The following PDE7A variants were observed in gnomAD, a reference collection of about 807,000 sequenced individuals.
PDE7A encodes phosphodiesterase 7A.
PDE7A carries 39 observed loss-of-function variants against 64.3 expected under a neutral mutation model. The observed-to-expected ratio is 0.61, with a 90% CI of 0.47 to 0.79. The LOEUF is 0.79. Among genes scored for constraint, PDE7A ranks in the 30% least tolerant of loss-of-function variants. PDE7A has a pLI of 0.00. For synonymous variants in PDE7A, 203 were observed against 206.8 expected (o/e 0.98, Z 0.16); for missense variants, 470 against 582.8 (o/e 0.81, Z 1.99).
intron 1 of PDE7A, among the ~76,000 whole-genome samples, chr8:65,803,604 C>G (rs752566536): frequency 5.3e-4 from 80 of 152,118 alleles, no homozygotes; most frequent in Non-Finnish European, 4.7e-4. Context: ...TGACAAACCC[C>G]TTTTAATGGC....
intron 7 of PDE7A, among the ~76,000 whole-genome samples, chr8:65,729,003 T>TA (rs145357915): frequency 0.025 from 3,802 of 150,674 alleles, 168 homozygotes; most frequent in African/African-American, 0.085. Flanking sequence ...TTTCTGCTTG[T>TA]AAAAAAAAAC....
chr8:65,819,640 CTTAAAAG>C (rs1213693257), intron 1 of PDE7A, among the ~76,000 whole-genome samples: 1 of 152,164 alleles, frequency 6.6e-6, no homozygotes, highest in East Asian at 1.9e-4. Flanking sequence ...TTACATAATC[CTTAAAAG>C]TTAAAATTAC....
rs76007607 is a variant in PDE7A, at chr8:65,816,959, A to G, written c.138+24412T>C. Among the ~76,000 whole-genome samples, 892 of 152,262 alleles carry G rather than the reference A, an allele frequency of 5.9e-3. 9 individuals are homozygous for G. The highest frequency in any genetic ancestry group is 0.02 in the African/African-American group (842 of 41,546). ...GATTCTCATTACACATCTGTAGTAC[A>G]CTTAATGTTTTTCACAGATTTCTGA... On this transcript the variant is annotated intron_variant, in intron 1 of 12. Transcript: ENST00000401827.
chr8:65,781,432 T>C (rs2128924095), intron 2 of PDE7A, among the ~76,000 whole-genome samples: 1 of 152,220 alleles, frequency 6.6e-6, no homozygotes, highest in Non-Finnish European at 1.5e-5. Flanking sequence ...TGATTATGTC[T>C]GAAAAGGTTC....
rs1436318479 is a variant in PDE7A at position 65,724,793 on chromosome 8, CTG to C, written c.1047_1048del (p.His349GlnfsTer13). 6.2e-7 allele frequency: 1 copy of C among 1,606,084 alleles called. No homozygotes were observed. Among genetic ancestry groups the C allele is most frequent in the Non-Finnish European group, 8.5e-7 (1 of 1,176,352 alleles). On this transcript the variant is annotated frameshift_variant, in exon 10 of 13. Coordinates refer to ENST00000401827, the MANE Select transcript of PDE7A (RefSeq NM_001242318.3). LOFTEE classifies it high-confidence loss of function. Reference sequence around the variant, plus strand: ...CCATTTTACCTGTAAAACCAAATGTCTGTGTCTGGTGTCTTCTAGGCATAAAT... The same window carrying C: ...CCATTTTACCTGTAAAACCAAATGTCTGTCTGGTGTCTTCTAGGCATAAAT...
chr8:65,790,679 T>C (rs1443495899), intron 1 of PDE7A, among the ~76,000 whole-genome samples: 2 of 152,230 alleles, frequency 1.3e-5, no homozygotes, highest in South Asian at 2.1e-4. Flanking sequence ...TCTTAACACA[T>C]GGCCATAAAA....
At chr8:65,757,907 A>T (rs545752814) in intron 3 of PDE7A, among the ~76,000 whole-genome samples, 1 of 152,070 alleles carries the variant, frequency 6.6e-6, no homozygotes, top group African/African-American at 2.4e-5. Flanking sequence ...GTGAGCCACC[A>T]CACCCAGCCA....
intron 3 of PDE7A, among the ~76,000 whole-genome samples, chr8:65,759,456 C>T (rs1331679673): frequency 6.6e-6 from 1 of 152,128 alleles, no homozygotes; most frequent in African/African-American, 2.4e-5. Flanking sequence ...GGCATATGGG[C>T]CATATCCCCA....
intron 1 of PDE7A, among the ~76,000 whole-genome samples, chr8:65,783,588 C>A (rs1350459126): frequency 2.0e-5 from 3 of 152,182 alleles, no homozygotes. Flanking sequence ...AGAAGCCATC[C>A]CCTTCCACAG....
At chr8:65,764,872 A>G (rs1350951496) in intron 3 of PDE7A, among the ~76,000 whole-genome samples, 2 of 152,238 alleles carry the variant, frequency 1.3e-5, no homozygotes, top group Non-Finnish European at 1.5e-5. Flanking sequence ...TAATAAAGAC[A>G]ATATGAGACA....
At chr8:65,754,243 GC>G (rs551234597) in intron 3 of PDE7A, among the ~76,000 whole-genome samples, 5 of 151,804 alleles carry the variant, frequency 3.3e-5, no homozygotes, top group African/African-American at 9.7e-5. Context: ...ATTAGATGGT[GC>G]CCCCCCGCCC....
Position 65,835,825 on chromosome 8 carries a change from G to A in PDE7A, c.138+5546C>T, listed in dbSNP as rs373238544. On this transcript the variant is annotated intron_variant, in intron 1 of 12. Coordinates refer to ENST00000401827, the MANE Select transcript of PDE7A (RefSeq NM_001242318.3). ...CATAGCAACAAAGCAGTAAAATCTC[G>A]GCATATAAATCACATCTCCTAGACT... Among the ~76,000 whole-genome samples, 19 of 152,110 alleles carry A rather than the reference G, an allele frequency of 1.2e-4. No individual in the cohort carries two copies. In the East Asian group the frequency reaches 1.7e-3, roughly 14 times the overall value.
chr8:65,745,069 A>C (rs1329195770), intron 5 of PDE7A, among the ~76,000 whole-genome samples: 1 of 152,158 alleles, frequency 6.6e-6, no homozygotes, highest in Non-Finnish European at 1.5e-5. Flanking sequence ...GTAGTGGATA[A>C]GTCTAACGAG....
At chr8:65,726,820 G>C (rs1806631914) in intron 9 of PDE7A, 55 bp downstream of exon 9, 2 of 893,296 alleles carry the variant, frequency 2.2e-6, no homozygotes, top group East Asian at 4.9e-5. Context: ...AAATTACTTT[G>C]CCAACTTAAC....
intron 3 of PDE7A, among the ~76,000 whole-genome samples, chr8:65,769,016 G>T (rs1273603656): frequency 6.6e-6 from 1 of 152,078 alleles, no homozygotes; most frequent in Non-Finnish European, 1.5e-5. Flanking sequence ...GGAAGGCTGA[G>T]GTAGGCAGAT....
intron 2 of PDE7A, among the ~76,000 whole-genome samples, chr8:65,780,005 AT>A (rs914971823): frequency 2.6e-5 from 4 of 151,950 alleles, no homozygotes; most frequent in Non-Finnish European, 5.9e-5. Flanking sequence ...AATGAGGAGG[AT>A]TTTTTTTAAA....
intron 9 of PDE7A, among the ~76,000 whole-genome samples, chr8:65,726,551 A>G (rs1466946472): frequency 6.6e-6 from 1 of 152,174 alleles, no homozygotes; most frequent in Non-Finnish European, 1.5e-5. Context: ...TTAAGGTTTT[A>G]TTCAGCTGAG....
At chr8:65,796,572 A>C (rs552884078) in intron 1 of PDE7A, among the ~76,000 whole-genome samples, 45 of 152,322 alleles carry the variant, frequency 3.0e-4, no homozygotes, top group African/African-American at 1.0e-3. Context: ...ATGTAATTCA[A>C]CATTAACAGA....
At chr8:65,762,100 T>C (rs995752295) in intron 3 of PDE7A, among the ~76,000 whole-genome samples, 1 of 152,172 alleles carries the variant, frequency 6.6e-6, no homozygotes, top group Non-Finnish European at 1.5e-5. Flanking sequence ...CCTTGGAGAT[T>C]ATTGTTTAAA....
Sources: gnomAD v4.1 joint callset for allele counts (sites outside exome capture counted in the v4.1 genomes callset) on GRCh38, gnomAD v4.1.1 for gene constraint, MANE v1.5 for transcripts, NCBI Gene and HGNC (gene_info 2026-07-23, HGNC 2026-07-21) for gene names.